COL6A5: variants seen among roughly 807,000 people sequenced by gnomAD.
COL6A5 encodes collagen type VI alpha 5 chain.
Under a neutral mutation model 65.6 loss-of-function variants are expected in COL6A5, and 48 were observed. The ratio of observed to expected loss-of-function variants is 0.73; its 90% CI spans 0.58 to 0.93. COL6A5 has a LOEUF of 0.93. Among genes scored for constraint, COL6A5 ranks in the 40% least tolerant of loss-of-function variants. The pLI is 0.00. For missense variants in COL6A5, 914 were observed against 928.3 expected (o/e 0.98, Z 0.20); for synonymous variants, 291 against 322.8 (o/e 0.90, Z 1.05).
At chr3:130,439,964 G>A (rs1013167236) in intron 2 of COL6A5, among the ~76,000 whole-genome samples, 1 of 152,130 alleles carries the variant, frequency 6.6e-6, no homozygotes, top group Admixed American at 6.6e-5. Context: ...TTTCAACAAA[G>A]CCCTTCCCTT....
At chr3:130,385,815 G>A (rs576933134) in intron 5 of COL6A5, among the ~76,000 whole-genome samples, 22 of 152,068 alleles carry the variant, frequency 1.4e-4, no homozygotes, top group African/African-American at 5.3e-4. Flanking sequence ...ACTTGAGCCT[G>A]GAACATTGTC....
chr3:130,473,739 G>T (rs906074272), intron 7 of COL6A5, among the ~76,000 whole-genome samples: 7 of 152,084 alleles, frequency 4.6e-5, no homozygotes, highest in African/African-American at 1.7e-4. Context: ...AAGCCTGTTA[G>T]TAATAATATG....
chr3:130,353,054 A>G (rs1432938438), intron 1 of COL6A5, among the ~76,000 whole-genome samples: 1 of 152,238 alleles, frequency 6.6e-6, no homozygotes, highest in Non-Finnish European at 1.5e-5. Flanking sequence ...AAATAAGAGA[A>G]TCAAGTGAAA....
chr3:130,354,900 G>A (rs756909696), intron 1 of COL6A5, among the ~76,000 whole-genome samples: 3 of 152,120 alleles, frequency 2.0e-5, no homozygotes, highest in Non-Finnish European at 4.4e-5. Context: ...GTTGAGATGT[G>A]CCATAGAAGT....
intron 1 of COL6A5, 85 bp downstream of exon 33, chr3:130,432,034 A>G: frequency 7.2e-7 from 1 of 1,382,282 alleles, no homozygotes; most frequent in Non-Finnish European, 9.7e-7. Flanking sequence ...TAGAGAGTCA[A>G]GAAATATATG....
intron 2 of COL6A5, 130 bp downstream of exon 34, chr3:130,439,745 A>G: frequency 1.5e-6 from 1 of 689,312 alleles, no homozygotes; most frequent in Non-Finnish European, 2.5e-6. Flanking sequence ...CTAGTTTTTC[A>G]ATACCATATG....
upstream of COL6A5, chr3:130,429,497 T>G (rs6774248): frequency 0.055 from 72,449 of 1,317,186 alleles, 7,237 homozygotes; most frequent in East Asian, 0.37. Context: ...TCAGCTTTGT[T>G]AAAATGTTGT....
intron 4 of COL6A5, 146 bp from the exon 37 acceptor site, chr3:130,455,309 G>A: frequency 1.7e-6 from 1 of 601,642 alleles, no homozygotes; most frequent in Non-Finnish European, 2.9e-6. Context: ...GAATCTCAAT[G>A]AATTATTTGA....
exon 28 of COL6A5, chr3:130,422,746 T>C (rs1207134397): frequency 3.3e-6 from 5 of 1,529,874 alleles, no homozygotes; most frequent in Non-Finnish European, 4.4e-6. Context: ...CTGGAATTCC[T>C]GGGGGACCTG....
exon 8 of COL6A5, chr3:130,395,384 T>C: frequency 6.5e-7 from 1 of 1,548,376 alleles, no homozygotes; most frequent in Non-Finnish European, 8.7e-7. Flanking sequence ...AATAATCACT[T>C]TTCAAGACTT....
chr3:130,386,310 C>T (rs547764759), intron 5 of COL6A5, among the ~76,000 whole-genome samples: 12 of 152,036 alleles, frequency 7.9e-5, no homozygotes, highest in South Asian at 4.2e-4. Context: ...TGATAACACA[C>T]GTGGAGCAGT....
At chr3:130,472,904 C>T (rs1296430340) in intron 7 of COL6A5, among the ~76,000 whole-genome samples, 3 of 136,968 alleles carry the variant, frequency 2.2e-5, no homozygotes, top group South Asian at 2.4e-4. Flanking sequence ...AATATATATA[C>T]ACACATACAT....
intron 10 of COL6A5, among the ~76,000 whole-genome samples, chr3:130,400,319 C>T (rs764975161): frequency 2.0e-5 from 3 of 152,216 alleles, no homozygotes; most frequent in Non-Finnish European, 4.4e-5. Context: ...ATTCTTGACC[C>T]TCTGTTCCAT....
chr3:130,454,864 G>C (rs115240085), intron 4 of COL6A5, among the ~76,000 whole-genome samples: 2,299 of 152,174 alleles, frequency 0.015, 58 homozygotes, highest in African/African-American at 0.053. Context: ...GAAAATGCTG[G>C]ACATGGTGGC....
intron 4 of COL6A5, among the ~76,000 whole-genome samples, chr3:130,452,972 G>T (rs552724229): frequency 5.3e-5 from 8 of 152,220 alleles, no homozygotes; most frequent in African/African-American, 1.9e-4. Context: ...GCTCTGTTCC[G>T]CCCAGCTCAC....
At chr3:130,348,566 A>G (rs1934587499) in intron 1 of COL6A5, among the ~76,000 whole-genome samples, 1 of 152,170 alleles carries the variant, frequency 6.6e-6, no homozygotes, top group Admixed American at 6.5e-5. Flanking sequence ...CTATTTGTAA[A>G]TAGTGCTTCA....
At chr3:130,356,164 C>T (rs370762173) in intron 1 of COL6A5, among the ~76,000 whole-genome samples, 22 of 151,884 alleles carry the variant, frequency 1.4e-4, no homozygotes, top group Non-Finnish European at 1.6e-4. Context: ...ATGGCGCAAG[C>T]GATAATCAAA....
chr3:130,463,620 C>T (rs1709749634), intron 5 of COL6A5, among the ~76,000 whole-genome samples: 1 of 152,100 alleles, frequency 6.6e-6, no homozygotes, highest in Non-Finnish European at 1.5e-5. Flanking sequence ...GGAAAGCAAG[C>T]CAGCTCCCCT....
chr3:130,389,113 T>G (rs1936305336), exon 6 of COL6A5: 1 of 1,442,510 alleles, frequency 6.9e-7, no homozygotes, highest in Non-Finnish European at 9.1e-7. Flanking sequence ...GAAACTTATC[T>G]TTCGTGTGTG....
Sources: allele counts gnomAD v4.1 joint callset (sites outside exome capture counted in the v4.1 genomes callset), GRCh38; gene constraint gnomAD v4.1.1; transcripts MANE v1.5; gene names NCBI Gene and HGNC (gene_info 2026-07-23, HGNC 2026-07-21).